The following CD1E variants were observed in gnomAD, a reference collection of about 807,000 sequenced individuals.
CD1E encodes the protein CD1e molecule, also known as T-cell surface glycoprotein CD1e, membrane-associated.
A neutral mutation model predicts 40.1 loss-of-function variants in CD1E; 49 were observed. The ratio of observed to expected loss-of-function variants is 1.22; its 90% CI spans 0.97 to 1.55. CD1E has a LOEUF of 1.55. Among genes scored for constraint, CD1E ranks in the 40% most tolerant of loss-of-function variants. The pLI, the probability that CD1E is intolerant of heterozygous loss-of-function variation, is 0.00. For missense variants in CD1E, 492 were observed against 471.3 expected (o/e 1.04, Z -0.41); for synonymous variants, 189 against 178.3 (o/e 1.06, Z -0.48).
rs1329906473 is a variant in CD1E, at chr1:158,353,927, C to G, written c.-62C>G. 1 of 1,336,104 alleles carries G rather than the reference C, an allele frequency of 7.5e-7. No homozygotes were observed. Among genetic ancestry groups the G allele is most frequent in the Non-Finnish European group, 1.1e-6 (1 of 928,008 alleles). 82.8% of individuals were successfully genotyped at this position (1,336,104 alleles called of 1,614,324 possible). On this transcript the variant is annotated 5_prime_UTR_variant, in exon 1 of 6. Coordinates refer to ENST00000368167, the MANE Select transcript of CD1E (RefSeq NM_030893.4). ...GTGCAAGAGGGTGTGGAGAGGGGTA[C>G]TGATATCTGAATTATTAGGGCAGGT...
rs1653416539 is a variant in CD1E at position 158,354,812 on chromosome 1, G to T, written c.355+139G>T. 1.4e-5 allele frequency: 10 copies of T among 723,726 alleles called. No homozygotes were observed. The South Asian group carries it at 1.9e-4, about 13-fold the overall frequency. The allele number at this position is 723,726 out of a possible 1,614,324, so 44.8% of individuals were successfully genotyped here. A position where few individuals can be genotyped will look rare whatever the true frequency, so the allele number is the denominator to read the frequency against. Reference sequence around the variant, plus strand: ...CTCTCTGACTCCCACTCCCTCCTCTGCTTCACCCTTCACCACCACCCACAC... The same window carrying T: ...CTCTCTGACTCCCACTCCCTCCTCTTCTTCACCCTTCACCACCACCCACAC... On this transcript the variant is annotated intron_variant, in intron 2 of 5. Coordinates refer to ENST00000368167, the MANE Select transcript of CD1E (RefSeq NM_030893.4).
In CD1E at chr1:158,356,767, T is replaced by G; in HGVS notation, c.1038T>G (p.Pro346=). 6.2e-7 allele frequency: 1 copy of G among 1,613,936 alleles called. No homozygotes were observed. Among genetic ancestry groups the G allele is most frequent in the Non-Finnish European group, 8.5e-7 (1 of 1,179,916 alleles). ...TTCTTTCTCCCCACACACCCAGCCC[T>G]GTCTTTCTCATGGGAGCCAACACTC... ...KNILSPHTPS[P]VFLMGANTQD... is the part of the protein sequence containing the mutation. Residue 346 remains proline, a synonymous_variant, in exon 6 of 6, where the codon CCT becomes CCG. Coordinates refer to ENST00000368167, the MANE Select transcript of CD1E (RefSeq NM_030893.4).
chr1:158,356,060 G>A lies in CD1E; in HGVS notation c.859G>A (p.Val287Met). 6.2e-7 allele frequency: 1 copy of A among 1,613,972 alleles called. No individual in the cohort carries two copies. The highest frequency in any genetic ancestry group is 8.5e-7 in the Non-Finnish European group (1 of 1,179,916). The change falls in exon 4 of 6, where the codon GTG becomes ATG. Residue 287 changes from valine (V) to methionine (M), a missense_variant. By Grantham distance (21) the Val-to-Met change is conservative. Transcript: ENST00000368167. ...GGAGGCAGCTGGCCTGTCCTGTCGG[G>A]TGAAACACAGCAGTCTAGGGGGCCA... is the stretch of plus-strand genomic sequence containing the variant. ...AGEAAGLSCR[V>M]KHSSLGGHDL... is the part of the protein sequence containing the mutation.
chr1:158,355,593 C>T (rs761941564), intron 3 of CD1E, 24 bp downstream of exon 3: 3 of 1,607,562 alleles, frequency 1.9e-6, no homozygotes, highest in Admixed American at 3.4e-5. Context: ...TCTCTCTCCC[C>T]TCTTGTTCCT....
Position 158,356,923 on chromosome 1 carries a change from C to T in CD1E, c.*27C>T, listed in dbSNP as rs199581567. ...ATTTGCTTTACCTTATACATAAAAT[C>T]CTTGTCTGCATCTTCTTAAACACCG... On this transcript the variant is annotated 3_prime_UTR_variant, in exon 6 of 6. Coordinates refer to ENST00000368167, the MANE Select transcript of CD1E (RefSeq NM_030893.4). 2.5e-6 allele frequency: 4 copies of T among 1,598,550 alleles called. No homozygotes were observed. Among genetic ancestry groups the T allele is most frequent in the African/African-American group, 2.7e-5 (2 of 74,428 alleles).
chr1:158,354,423 G>A lies in CD1E; in HGVS notation c.105G>A (p.Leu35=), dbSNP rs945689253. ...ATCATCTAGCAGCAGAGGAGCAGCT[G>A]TCCTTCCGCATGCTCCAAACTTCCT... ...QSYHLAAEEQ[L]SFRMLQTSSF... Residue 35 remains leucine (L), a synonymous_variant, in exon 2 of 6, where the codon CTG becomes CTA. Transcript: ENST00000368167. 1.4e-5 allele frequency: 23 copies of A among 1,613,828 alleles called. No homozygotes were observed. Among genetic ancestry groups the A allele is most frequent in the Middle Eastern group, 1.7e-4 (1 of 6,058 alleles).
At position 158,356,758 on chromosome 1, in the gene CD1E, A is replaced by T. The variant is rs760741335; in HGVS notation, c.1029A>T (p.Thr343=). ...ATAAGAACATTCTTTCTCCCCACAC[A>T]CCCAGCCCTGTCTTTCTCATGGGAG... The part of the protein sequence containing the change: ...SSNKNILSPH[T]PSPVFLMGAN... Residue 343 remains threonine (T), a synonymous_variant, in exon 6 of 6, where the codon ACA becomes ACT. Transcript: ENST00000368167. 1.1e-5 allele frequency: 17 copies of T among 1,612,220 alleles called. No homozygotes were observed. Among genetic ancestry groups the T allele is most frequent in the Non-Finnish European group, 1.1e-5 (13 of 1,179,686 alleles).
rs1653770792 is a variant in CD1E at position 158,356,828 on chromosome 1, G to A, written c.1099G>A (p.Ala367Thr). The A allele has an allele frequency of 1.9e-6, 3 of 1,613,780 alleles. No homozygotes were observed. Among genetic ancestry groups the A allele is most frequent in the Non-Finnish European group, 2.5e-6 (3 of 1,179,954 alleles). ...TKNSRHQFCL[A>T]QVSWIKNRVL... ...GAATTCAAGACATCAGTTCTGCTTG[G>A]CACAAGTATCGTGGATCAAAAACAG... Residue 367 changes from alanine to threonine, a missense_variant, in exon 6 of 6, where the codon GCA becomes ACA. Ala to Thr is a moderately conservative substitution (Grantham distance 58). Coordinates refer to ENST00000368167, the MANE Select transcript of CD1E (RefSeq NM_030893.4).
In CD1E at chr1:158,353,975, T is replaced by G. The variant is rs1244057834; in HGVS notation, c.-14T>G. ...GGTGTCCTGCCAAGGAATCCCTCCT[T>G]TAACAGAGCTTCAATGCTGCTCCTG... On this transcript the variant is annotated 5_prime_UTR_variant, in exon 1 of 6. Transcript: ENST00000368167. 1.2e-6 allele frequency: 2 copies of G among 1,613,134 alleles called. No individual in the cohort carries two copies. The highest frequency in any genetic ancestry group is 1.7e-6 in the Non-Finnish European group (2 of 1,179,074).
chr1:158,354,399 T>C lies in CD1E; in HGVS notation c.81T>C (p.Tyr27=), dbSNP rs1363910336. 2.5e-6 allele frequency: 4 copies of C among 1,610,978 alleles called. No homozygotes were observed. In the South Asian group the frequency reaches 3.3e-5, roughly 13 times the overall value. The change falls in exon 2 of 6, where the codon TAT becomes TAC. Residue 27 remains tyrosine, a synonymous_variant. Coordinates refer to ENST00000368167, the MANE Select transcript of CD1E (RefSeq NM_030893.4). The stretch of plus-strand genomic sequence containing the variant: ...CAGCTCCCCAGGCTCTACAATCCTA[T>C]CATCTAGCAGCAGAGGAGCAGCTGT... ...NTAAPQALQS[Y]HLAAEEQLSF...
intron 3 of CD1E, 122 bp downstream of exon 3, chr1:158,355,691 AG>A (rs1653543695): frequency 7.0e-7 from 1 of 1,422,114 alleles, no homozygotes. Context: ...GTGTGGGTTC[AG>A]GACTGTTTCT....
chr1:158,356,657 CTTT>C (rs35184522), intron 5 of CD1E, 66 bp downstream of exon 5: 1 of 1,317,108 alleles, frequency 7.6e-7, no homozygotes, highest in African/African-American at 1.5e-5. Context: ...CCTCTATCTT[CTTT>C]TTTTTTTTCT....
At position 158,356,836 on chromosome 1, in the gene CD1E, AT is replaced by A. The variant is rs764725304; in HGVS notation, c.1108del (p.Ser370ArgfsTer8). 5.6e-5 allele frequency: 90 copies of A among 1,613,940 alleles called. 1 individual carries two copies. The highest frequency in any genetic ancestry group is 2.4e-5 in the Non-Finnish European group (28 of 1,180,002). ...SRHQFCLAQV[S>X]WIKNRVLKKW... is the part of the protein sequence containing the mutation. Reference sequence around the variant, plus strand: ...GACATCAGTTCTGCTTGGCACAAGTATCGTGGATCAAAAACAGAGTATTGAA... The same window carrying A: ...GACATCAGTTCTGCTTGGCACAAGTACGTGGATCAAAAACAGAGTATTGAA... On this transcript the variant is annotated frameshift_variant, in exon 6 of 6. Coordinates refer to ENST00000368167, the MANE Select transcript of CD1E (RefSeq NM_030893.4). LOFTEE classifies it low-confidence loss of function (END_TRUNC).
In CD1E at chr1:158,355,253, C is replaced by T. The variant is rs760177882; in HGVS notation, c.356-47C>T. ...ACTGTCTAAATTGTTTGTTTTTCTTCCTTGTCATTCTTTCCATAATGATCT... is the reference window on the plus strand; with the variant it reads ...ACTGTCTAAATTGTTTGTTTTTCTTTCTTGTCATTCTTTCCATAATGATCT... On this transcript the variant is annotated intron_variant, in intron 2 of 5. Coordinates refer to ENST00000368167, the MANE Select transcript of CD1E (RefSeq NM_030893.4). 7 of 1,570,634 alleles carry T rather than the reference C, an allele frequency of 4.5e-6. No individual in the cohort carries two copies. In the East Asian group the frequency reaches 1.6e-4, roughly 35 times the overall value.
chr1:158,355,561 A>G lies in CD1E; in HGVS notation c.617A>G (p.Lys206Arg). 6.2e-7 allele frequency: 1 copy of G among 1,613,812 alleles called. No individual in the cohort carries two copies. Among genetic ancestry groups the G allele is most frequent in the Non-Finnish European group, 8.5e-7 (1 of 1,179,828 alleles). The change falls in exon 3 of 6, where the codon AAA becomes AGA. Residue 206 changes from lysine to arginine, a missense_variant. Coordinates refer to ENST00000368167, the MANE Select transcript of CD1E (RefSeq NM_030893.4). ...GLMEAGESEL[K>R]RKVKPEAWLS... is the part of the protein sequence containing the mutation. ...ATGGAAGCAGGGGAGTCAGAACTGAAACGGAAAGGTGAGCCCAACTCTCTC... is the reference window on the plus strand; with the variant it reads ...ATGGAAGCAGGGGAGTCAGAACTGAGACGGAAAGGTGAGCCCAACTCTCTC...
At position 158,356,818 on chromosome 1, in the gene CD1E, G is replaced by T. The variant is rs753824327; in HGVS notation, c.1089G>T (p.Gln363His). The T allele has an allele frequency of 8.7e-6, 14 of 1,613,802 alleles. No homozygotes were observed. The highest frequency in any genetic ancestry group is 6.7e-5 in the Admixed American group (4 of 59,988). Residue 363 changes from glutamine to histidine, a missense_variant, in exon 6 of 6, where the codon CAG (glutamine) becomes CAT (histidine). Physicochemically the swap from Gln to His is conservative, Grantham distance 24. Coordinates refer to ENST00000368167, the MANE Select transcript of CD1E (RefSeq NM_030893.4). ...AGGACACCAAGAATTCAAGACATCA[G>T]TTCTGCTTGGCACAAGTATCGTGGA... ...NTQDTKNSRH[Q>H]FCLAQVSWIK...
In CD1E at chr1:158,355,470, C is replaced by A. The variant is rs1409078381; in HGVS notation, c.526C>A (p.Leu176Ile). Reference sequence around the variant, plus strand: ...CATCTGTAAAGTGCTCAATCGCTACCTAGATATTAAGGAAATACTGCAAAG... The same window carrying A: ...CATCTGTAAAGTGCTCAATCGCTACATAGATATTAAGGAAATACTGCAAAG... ...QNICKVLNRY[L>I]DIKEILQSLL... The change falls in exon 3 of 6, where the codon CTA becomes ATA. Residue 176 changes from leucine (L) to isoleucine (I), a missense_variant. By Grantham distance (5) the Leu-to-Ile change is conservative. Transcript: ENST00000368167. 2 of 1,613,958 alleles carry A rather than the reference C, an allele frequency of 1.2e-6. No individual in the cohort carries two copies. Among genetic ancestry groups the A allele is most frequent in the Admixed American group, 3.3e-5 (2 of 59,984 alleles).
In CD1E at chr1:158,353,995, C is replaced by T. The variant is rs1442025915; in HGVS notation, c.7C>T (p.Leu3Phe). 2 of 1,613,862 alleles carry T rather than the reference C, an allele frequency of 1.2e-6. No homozygotes were observed. The highest frequency in any genetic ancestry group is 1.7e-5 in the Admixed American group (1 of 60,010). The change falls in exon 1 of 6, where the codon CTC (leucine) becomes TTC (phenylalanine). Residue 3 changes from leucine to phenylalanine, a missense_variant. Coordinates refer to ENST00000368167, the MANE Select transcript of CD1E (RefSeq NM_030893.4). ...CTCCTTTAACAGAGCTTCAATGCTG[C>T]TCCTGTTCCTCCTCTTCGAGGGTCT... ML[L>F]LFLLFEGLCC...
chr1:158,355,273 T>G (rs1653475889), intron 2 of CD1E, 27 bp from the exon 3 acceptor site: 1 of 1,600,474 alleles, frequency 6.2e-7, no homozygotes, highest in South Asian at 1.1e-5. Context: ...CTTTCCATAA[T>G]GATCTCTCTT....
Sources: allele counts gnomAD v4.1 joint callset, GRCh38; gene constraint gnomAD v4.1.1; transcripts MANE v1.5; gene names NCBI Gene and HGNC (gene_info 2026-07-23, HGNC 2026-07-21).